Variants in CTIF observed in about 807,000 individuals in gnomAD.
The protein encoded by CTIF is CBP80/20-dependent translation initiation factor.
Under a neutral mutation model 66.0 loss-of-function variants are expected in CTIF, and 21 were observed. The observed-to-expected ratio is 0.32, with a 90% CI of 0.23 to 0.46. CTIF has a LOEUF of 0.46. CTIF is among the 20% of genes least tolerant of loss of function. The probability of loss-of-function intolerance (pLI) is 1.00; values close to 1 mark genes in which losing one functional copy is unlikely to be tolerated. For missense variants in CTIF, 739 were observed against 812.7 expected (o/e 0.91, Z 1.10); for synonymous variants, 345 against 326.4 (o/e 1.06, Z -0.62).
chr18:48,803,024 C>A (rs2068077334), intron 9 of CTIF, among the ~76,000 whole-genome samples: 1 of 152,244 alleles, frequency 6.6e-6, no homozygotes, highest in Non-Finnish European at 1.5e-5. Flanking sequence ...AAGTGTGAGA[C>A]AGAATTCCTG....
At position 48,766,972 on chromosome 18, in the gene CTIF, G is replaced by A. The variant is rs146691392; in HGVS notation, c.1371+5283G>A. Reference sequence around the variant, plus strand: ...ATGTGTGTCGGAACAGCTATCACATGTTTTAGGAAAAGGGCCTCATTCTCA... The same window carrying A: ...ATGTGTGTCGGAACAGCTATCACATATTTTAGGAAAAGGGCCTCATTCTCA... On this transcript the variant is annotated intron_variant, in intron 9 of 11. Transcript: ENST00000256413. Among the ~76,000 whole-genome samples the A allele has an allele frequency of 4.2e-5, 3 of 71,876 alleles. No individual in the cohort carries two copies. In the East Asian group the frequency reaches 6.1e-3, roughly 147 times the overall value. The allele number at this position is 71,876 out of a possible 152,430, so 47.2% of individuals were successfully genotyped here.
chr18:48,629,059 G>A (rs1374885993), intron 2 of CTIF, among the ~76,000 whole-genome samples: 1 of 152,242 alleles, frequency 6.6e-6, no homozygotes, highest in Non-Finnish European at 1.5e-5. Flanking sequence ...AGACTGGGAG[G>A]AAGCCATTTC....
At chr18:48,832,634 G>A (rs989405793) in intron 10 of CTIF, among the ~76,000 whole-genome samples, 7 of 152,168 alleles carry the variant, frequency 4.6e-5, no homozygotes, top group African/African-American at 1.7e-4. Context: ...GGCACAATTA[G>A]CTCATTCTTG....
intron 2 of CTIF, among the ~76,000 whole-genome samples, chr18:48,625,445 C>T (rs2144498902): frequency 6.6e-6 from 1 of 152,286 alleles, no homozygotes; most frequent in African/African-American, 2.4e-5. Flanking sequence ...TATCATGGTA[C>T]ATAAGAATTC....
At chr18:48,792,846 T>C (rs1256771167) in intron 9 of CTIF, among the ~76,000 whole-genome samples, 3 of 152,056 alleles carry the variant, frequency 2.0e-5, no homozygotes, top group African/African-American at 7.2e-5. Context: ...GTTGGAATTG[T>C]GCAATAGGAA....
At chr18:48,636,753 G>A in intron 3 of CTIF, 68 bp downstream of exon 3, 1 of 1,224,016 alleles carries the variant, frequency 8.2e-7, no homozygotes. Context: ...TCCTGGGCCG[G>A]CCCACAGTGG....
At chr18:48,651,371 A>G (rs1251269570) in intron 3 of CTIF, among the ~76,000 whole-genome samples, 1 of 152,208 alleles carries the variant, frequency 6.6e-6, no homozygotes, top group African/African-American at 2.4e-5. Flanking sequence ...CAGACTTTAA[A>G]CCAACAAAGA....
rs190607468 is a variant in CTIF, at chr18:48,833,489, G to A, written c.1527+16113G>A. On this transcript the variant is annotated intron_variant, in intron 10 of 11. Coordinates refer to ENST00000256413, the MANE Select transcript of CTIF (RefSeq NM_014772.3). ...CTCTAAATGCCCCCCTGCCCCCGCC[G>A]CCCTCCACCTCTCCTCAGACTCCTT... Among the ~76,000 whole-genome samples the A allele has an allele frequency of 7.0e-4, 107 of 152,050 alleles. 1 individual carries two copies. Among genetic ancestry groups the A allele is most frequent in the Middle Eastern group, 3.4e-3 (1 of 294 alleles).
At chr18:48,837,396 G>A (rs957949011) in intron 10 of CTIF, among the ~76,000 whole-genome samples, 3 of 151,934 alleles carry the variant, frequency 2.0e-5, no homozygotes, top group Non-Finnish European at 4.4e-5. Context: ...TCACATCCGG[G>A]GTTCAAATTC....
chr18:48,711,878 C>T (rs1011195627), intron 7 of CTIF, among the ~76,000 whole-genome samples, 183 bp downstream of exon 7: 6 of 152,146 alleles, frequency 3.9e-5, no homozygotes, highest in Non-Finnish European at 8.8e-5. Flanking sequence ...GGCGGCTCCA[C>T]TTCTCTTGTT....
At chr18:48,733,977 G>C (rs906069401) in intron 7 of CTIF, among the ~76,000 whole-genome samples, 1 of 152,228 alleles carries the variant, frequency 6.6e-6, no homozygotes, top group African/African-American at 2.4e-5. Context: ...GTACAATTTG[G>C]GGCTCAATAA....
At chr18:48,577,079 G>T (rs1335018451) in intron 1 of CTIF, among the ~76,000 whole-genome samples, 1 of 152,198 alleles carries the variant, frequency 6.6e-6, no homozygotes, top group East Asian at 1.9e-4. Flanking sequence ...GCCTGGGGGA[G>T]CCAGGACTTG....
intron 6 of CTIF, among the ~76,000 whole-genome samples, chr18:48,682,751 A>G (rs1485154963): frequency 6.6e-6 from 1 of 151,906 alleles, no homozygotes; most frequent in South Asian, 2.1e-4. Flanking sequence ...GGTCCCCCAG[A>G]CTCCAGCAAC....
At chr18:48,564,792 T>A (rs2089242537) in intron 1 of CTIF, 1 of 96,734 alleles carries the variant, frequency 1.0e-5, no homozygotes, top group African/African-American at 3.3e-5. Context: ...CTAATTTTAT[T>A]TTTTTGTAGA....
chr18:48,703,237 T>C (rs2092106938), intron 6 of CTIF, among the ~76,000 whole-genome samples: 1 of 152,182 alleles, frequency 6.6e-6, no homozygotes, highest in Non-Finnish European at 1.5e-5. Context: ...AGGGGGACTG[T>C]AGCTTCCAAG....
intron 1 of CTIF, among the ~76,000 whole-genome samples, chr18:48,577,762 A>G (rs115577929): frequency 0.024 from 3,606 of 152,256 alleles, 142 homozygotes; most frequent in African/African-American, 0.081. Context: ...TTTTGTAGAG[A>G]AGGCATTTCA....
At chr18:48,777,228 T>C (rs1910772755) in intron 9 of CTIF, among the ~76,000 whole-genome samples, 1 of 152,232 alleles carries the variant, frequency 6.6e-6, no homozygotes, top group Non-Finnish European at 1.5e-5. Flanking sequence ...CGGCAGCACC[T>C]GCTGGGTGGG....
chr18:48,782,614 C>T (rs1287714348), intron 9 of CTIF, among the ~76,000 whole-genome samples: 2 of 152,210 alleles, frequency 1.3e-5, no homozygotes, highest in African/African-American at 2.4e-5. Context: ...CCTCCTTGGC[C>T]CAGATCCCAG....
intron 3 of CTIF, among the ~76,000 whole-genome samples, chr18:48,659,556 A>C (rs1425783010): frequency 6.6e-6 from 1 of 152,216 alleles, no homozygotes; most frequent in Non-Finnish European, 1.5e-5. Context: ...TGGTTTGTAA[A>C]GGGCTCACCT....
Sources: gnomAD v4.1 joint callset for allele counts (sites outside exome capture counted in the v4.1 genomes callset) on GRCh38, gnomAD v4.1.1 for gene constraint, MANE v1.5 for transcripts, NCBI Gene and HGNC (gene_info 2026-07-23, HGNC 2026-07-21) for gene names.